OPA1: variants seen among roughly 807,000 people sequenced by gnomAD.
OPA1 encodes the protein dynamin-like GTPase OPA1, mitochondrial.
Under a neutral mutation model 152.9 loss-of-function variants are expected in OPA1, and 59 were observed. The observed-to-expected ratio is 0.39, with a 90% confidence interval of 0.31 to 0.48. OPA1 has a LOEUF of 0.48. OPA1 is among the 20% of genes least tolerant of loss of function. The pLI, the probability that OPA1 is intolerant of heterozygous loss-of-function variation, is 0.96. For missense variants in OPA1, 1,008 were observed against 1,216.8 expected, an observed-to-expected ratio of 0.83 and a Z score of 2.55; for synonymous variants, 400 against 389.9, an observed-to-expected ratio of 1.03 and a Z score of -0.31.
chr3:193,668,863 T>A, intron 29 of OPA1: 1 of 1,064,702 alleles, frequency 9.4e-7, no homozygotes, highest in Non-Finnish European at 1.1e-6. Context: ...TACTTAGATC[T>A]TTGAGAACTC....
At position 193,626,091 on chromosome 3, in the gene OPA1, G is replaced by C. The variant is rs762321240; in HGVS notation, c.679-1G>C. On this transcript the variant is annotated splice_acceptor_variant, in intron 6 of 30. Coordinates refer to ENST00000361510, the MANE Select transcript of OPA1 (RefSeq NM_130837.3). LOFTEE classifies it high-confidence loss of function. The stretch of plus-strand genomic sequence containing the variant: ...TTCTCCTCATTGTGAACTCGTGGCA[G>C]GGTCTGCTTGGTGAGCTCATTCTCT... 8 of 1,612,520 alleles carry C rather than the reference G, an allele frequency of 5.0e-6. No homozygotes were observed. In the South Asian group the frequency reaches 8.8e-5, roughly 18 times the overall value.
intron 5 of OPA1, 77 bp downstream of exon 5, chr3:193,617,914 C>T (rs1729326304): frequency 9.8e-7 from 1 of 1,015,604 alleles, no homozygotes; most frequent in African/African-American, 1.6e-5. Flanking sequence ...AATAAAATTG[C>T]AGACCAAATT....
rs1714980859 is a variant in OPA1 at position 193,660,395 on chromosome 3, G to T, written c.2520+834G>T. Among the ~76,000 whole-genome samples the T allele has an allele frequency of 2.0e-5, 3 of 151,952 alleles. 1 individual carries two copies. In the South Asian group the frequency reaches 6.2e-4, roughly 32 times the overall value. On this transcript the variant is annotated intron_variant, in intron 25 of 30. Coordinates refer to ENST00000361510, the MANE Select transcript of OPA1 (RefSeq NM_130837.3). Reference sequence around the variant, plus strand: ...TTAATGAAATAATGAAGATGAAAAAGATTTAGCATCCAATCCATTTTCTTT... The same window carrying T: ...TTAATGAAATAATGAAGATGAAAAATATTTAGCATCCAATCCATTTTCTTT...
intron 1 of OPA1, among the ~76,000 whole-genome samples, chr3:193,599,297 A>G (rs1396626726): frequency 6.6e-6 from 1 of 152,052 alleles, no homozygotes; most frequent in African/African-American, 2.4e-5. Flanking sequence ...TCAATTGGAT[A>G]TTCAGTCCAG....
intron 6 of OPA1, among the ~76,000 whole-genome samples, chr3:193,624,996 G>C (rs1730824944): frequency 1.3e-5 from 2 of 151,838 alleles, no homozygotes; most frequent in Non-Finnish European, 2.9e-5. Context: ...TGTTTTCCCA[G>C]AACGCTGTTC....
chr3:193,689,213 T>C (rs1026279771), intron 29 of OPA1: 2 of 152,200 alleles, frequency 1.3e-5, no homozygotes, highest in Non-Finnish European at 2.9e-5. Flanking sequence ...ATGAAGTACA[T>C]TGTGAAAGTG....
intron 1 of OPA1, among the ~76,000 whole-genome samples, chr3:193,611,965 G>C (rs762972713): frequency 1.3e-5 from 2 of 152,238 alleles, no homozygotes; most frequent in East Asian, 1.9e-4. Flanking sequence ...CTTGTGAGGA[G>C]CTCTTAGAGG....
intron 22 of OPA1, among the ~76,000 whole-genome samples, chr3:193,656,427 T>G (rs1713833464): frequency 6.6e-6 from 1 of 152,190 alleles, no homozygotes; most frequent in Non-Finnish European, 1.5e-5. Flanking sequence ...TTGTTCTTCA[T>G]TATTTTTGAC....
intron 29 of OPA1, among the ~76,000 whole-genome samples, chr3:193,681,354 A>G (rs1299606382): frequency 1.3e-5 from 2 of 152,330 alleles, no homozygotes; most frequent in East Asian, 1.9e-4. Context: ...TAGTTTGTTT[A>G]TTAATTCCCT....
At chr3:193,673,993 C>T (rs991259273) in intron 29 of OPA1, among the ~76,000 whole-genome samples, 19 of 152,372 alleles carry the variant, frequency 1.2e-4, no homozygotes, top group African/African-American at 4.6e-4. Flanking sequence ...GAGGTGGCAA[C>T]AGCTGGCCCT....
At chr3:193,618,602 T>C in intron 5 of OPA1, 2 of 429,460 alleles carry the variant, frequency 4.7e-6, no homozygotes, top group South Asian at 5.6e-5. Context: ...CCAAAGATTG[T>C]CTTATTTTTT....
intron 1 of OPA1, among the ~76,000 whole-genome samples, chr3:193,608,625 A>T (rs1279662036): frequency 6.6e-6 from 1 of 152,210 alleles, no homozygotes; most frequent in Non-Finnish European, 1.5e-5. Flanking sequence ...ATTTCCAACT[A>T]TGTGGTCAAT....
chr3:193,653,558 T>G (rs557947020), intron 21 of OPA1, among the ~76,000 whole-genome samples: 1 of 152,316 alleles, frequency 6.6e-6, no homozygotes, highest in East Asian at 1.9e-4. Flanking sequence ...ATAGTTGTAT[T>G]TTTTTATTAG....
chr3:193,668,791 G>T, intron 29 of OPA1: 1 of 1,181,434 alleles, frequency 8.5e-7, no homozygotes. Flanking sequence ...CACTGTTTGG[G>T]GTTGATATTT....
intron 21 of OPA1, among the ~76,000 whole-genome samples, chr3:193,654,425 G>C (rs376019355): frequency 1.3e-5 from 2 of 152,014 alleles, no homozygotes; most frequent in African/African-American, 4.8e-5. Context: ...GAGCCCAGGA[G>C]GTTGAGGCTC....
At chr3:193,659,737 GTTTTT>G (rs142217850) in intron 25 of OPA1, among the ~76,000 whole-genome samples, 176 bp downstream of exon 25, 1 of 151,994 alleles carries the variant, frequency 6.6e-6, no homozygotes, top group Admixed American at 6.6e-5. Context: ...ACATAAGAAA[GTTTTT>G]TTTAAGTGAA....
chr3:193,596,281 A>G (rs555599625), intron 1 of OPA1, among the ~76,000 whole-genome samples: 1 of 95,010 alleles, frequency 1.1e-5, no homozygotes, highest in South Asian at 3.4e-4. Flanking sequence ...TTTTTTTAAT[A>G]TTGGCCATCG....
chr3:193,673,127 C>G (rs191876178), intron 29 of OPA1, among the ~76,000 whole-genome samples: 113 of 152,200 alleles, frequency 7.4e-4, no homozygotes, highest in Non-Finnish European at 1.0e-3. Flanking sequence ...GTAGTAGATG[C>G]TGAAGCTGAG....
intron 1 of OPA1, among the ~76,000 whole-genome samples, chr3:193,612,268 C>CTTTTT (rs34283831): frequency 1.7e-5 from 2 of 116,340 alleles, no homozygotes; most frequent in African/African-American, 3.3e-5. Flanking sequence ...GTCTAACTTC[C>CTTTTT]TTTTTTTTTT....
Sources: allele counts gnomAD v4.1 joint callset (sites outside exome capture counted in the v4.1 genomes callset), GRCh38; gene constraint gnomAD v4.1.1; transcripts MANE v1.5; gene names NCBI Gene and HGNC (gene_info 2026-07-23, HGNC 2026-07-21).